MLKL: variants seen among roughly 807,000 people sequenced by gnomAD.
MLKL encodes the protein mixed lineage kinase domain like pseudokinase, also known as mixed lineage kinase domain-like protein.
A neutral mutation model predicts 56.5 loss-of-function variants in MLKL; 55 were observed. The ratio of observed to expected loss-of-function variants is 0.97; its 90% CI spans 0.78 to 1.22. The LOEUF (loss-of-function observed/expected upper bound fraction) is 1.22, where lower values mean the gene tolerates loss of function less well. Ranked by LOEUF, MLKL falls within the 50% of genes most tolerant of loss-of-function variation. The probability of loss-of-function intolerance (pLI) is 0.00; values close to 1 mark genes in which losing one functional copy is unlikely to be tolerated. For missense variants in MLKL, 694 were observed against 573.9 expected (o/e 1.21, Z -2.14); for synonymous variants, 251 against 208.3 (o/e 1.20, Z -1.76).
At chr16:74,696,092 C>G (rs762691618) in intron 1 of MLKL, among the ~76,000 whole-genome samples, 1 of 152,188 alleles carries the variant, frequency 6.6e-6, no homozygotes, top group Non-Finnish European at 1.5e-5. Flanking sequence ...CGCCTCCTCA[C>G]ACTCTCCCTT....
At chr16:74,673,952 T>TAAAAA (rs5817923) in intron 10 of MLKL, among the ~76,000 whole-genome samples, 8 of 104,664 alleles carry the variant, frequency 7.6e-5, no homozygotes, top group African/African-American at 2.7e-4. Flanking sequence ...ACCTCCTCTC[T>TAAAAA]AAAAAAAAAA....
Position 74,695,157 on chromosome 16 carries a change from C to T in MLKL, c.460+141G>A. 3 of 878,544 alleles carry T rather than the reference C, an allele frequency of 3.4e-6. No individual in the cohort carries two copies. In the East Asian group the frequency reaches 7.9e-5, roughly 23 times the overall value. 54.4% of individuals were successfully genotyped at this position (878,544 alleles called of 1,614,324 possible). A position where few individuals can be genotyped will look rare whatever the true frequency, so the allele number is the denominator to read the frequency against. On this transcript the variant is annotated intron_variant, in intron 2 of 10. Coordinates refer to ENST00000308807, the MANE Select transcript of MLKL (RefSeq NM_152649.4). ...AAAGTGCTGGGATTACAGGCGAGAG[C>T]CATCGCGCCCAGCTAGGAGTTTTGA...
rs1959268691 is a variant in MLKL at position 74,672,206 on chromosome 16, C to A, written c.*298G>T. The A allele has an allele frequency of 3.4e-6, 1 of 298,274 alleles. No individual in the cohort carries two copies. The highest frequency in any genetic ancestry group is 2.1e-5 in the African/African-American group (1 of 46,684). 18.5% of individuals were successfully genotyped at this position (298,274 alleles called of 1,614,324 possible). On this transcript the variant is annotated 3_prime_UTR_variant, in exon 11 of 11. Coordinates refer to ENST00000308807, the MANE Select transcript of MLKL (RefSeq NM_152649.4). ...CAGATTCAAATGGTGGGGAAAGAGA[C>A]TTCATTTATGGAAGGGAGGAGCTGC...
intron 6 of MLKL, 64 bp downstream of exon 6, chr16:74,682,587 G>C: frequency 6.3e-7 from 1 of 1,588,856 alleles, no homozygotes. Context: ...CACCATCTCT[G>C]GGAGTATCAG....
intron 1 of MLKL, 110 bp from the exon 2 acceptor site, chr16:74,695,869 C>A: frequency 2.1e-6 from 2 of 965,472 alleles, no homozygotes; most frequent in East Asian, 2.6e-5. Context: ...AGGAGGTCTC[C>A]CCAGCATTTT....
Position 74,676,607 on chromosome 16 carries a change from G to A in MLKL, c.1039-843C>T, listed in dbSNP as rs117269980. On this transcript the variant is annotated intron_variant, in intron 7 of 10. Transcript: ENST00000308807. ...CTTATAGTCAGGCTGCATGAAGAGC[G>A]TGAGAGTAGTAGAAACAGTGTTTTG... 469 of 354,708 alleles carry A rather than the reference G, an allele frequency of 1.3e-3. 5 individuals are homozygous for A. In the Admixed American group the frequency reaches 0.018, roughly 13 times the overall value. 22.0% of individuals were successfully genotyped at this position (354,708 alleles called of 1,614,324 possible). A position where few individuals can be genotyped will look rare whatever the true frequency, so the allele number is the denominator to read the frequency against.
intron 4 of MLKL, 138 bp from the exon 5 acceptor site, chr16:74,685,721 G>T: frequency 1.5e-6 from 1 of 669,048 alleles, no homozygotes. Flanking sequence ...GATGAACTCA[G>T]CTACTGATAA....
chr16:74,677,011 G>C (rs1567600818), intron 7 of MLKL: 2 of 152,138 alleles, frequency 1.3e-5, no homozygotes, highest in Non-Finnish European at 1.5e-5. Flanking sequence ...ACAGTAAACA[G>C]CTGATGGGAA....
rs377083507 is a variant in MLKL, at chr16:74,685,468, C to T, written c.820+18G>A. The T allele has an allele frequency of 2.2e-5, 36 of 1,600,612 alleles. No homozygotes were observed. The highest frequency in any genetic ancestry group is 2.2e-5 in the South Asian group (2 of 90,620). On this transcript the variant is annotated intron_variant, in intron 5 of 10. Transcript: ENST00000308807. The stretch of plus-strand genomic sequence containing the variant: ...CTAGGCCATCCAAAGCTTGACCAAT[C>T]CTAGAAGCATTCCTTACCTGTTTCA...
intron 1 of MLKL, among the ~76,000 whole-genome samples, chr16:74,699,770 A>G (rs998664730): frequency 1.4e-4 from 22 of 152,042 alleles, no homozygotes; most frequent in African/African-American, 4.8e-4. Context: ...CCCTGGCTCT[A>G]CCAAAAAATA....
At chr16:74,688,070 C>T (rs551956221) in intron 4 of MLKL, among the ~76,000 whole-genome samples, 9 of 152,248 alleles carry the variant, frequency 5.9e-5, no homozygotes, top group South Asian at 2.1e-4. Flanking sequence ...GTGATCTGCC[C>T]GCCCTGGCCT....
intron 4 of MLKL, among the ~76,000 whole-genome samples, chr16:74,686,251 C>G (rs1017634300): frequency 6.6e-6 from 1 of 152,010 alleles, no homozygotes; most frequent in Non-Finnish European, 1.5e-5. Flanking sequence ...TGTGAGTCAC[C>G]GTGCCCAGCC....
chr16:74,687,919 A>G (rs1413467940), intron 4 of MLKL, among the ~76,000 whole-genome samples: 1 of 148,936 alleles, frequency 6.7e-6, no homozygotes, highest in Non-Finnish European at 1.5e-5. Flanking sequence ...TCTGCCTCTC[A>G]GGTTCACACC....
At chr16:74,680,598 C>G (rs972239631) in intron 6 of MLKL, among the ~76,000 whole-genome samples, 3 of 152,076 alleles carry the variant, frequency 2.0e-5, no homozygotes, top group Non-Finnish European at 2.9e-5. Flanking sequence ...CCTCTGCCTC[C>G]CAGGTTCAAG....
At chr16:74,687,033 T>C (rs1484997395) in intron 4 of MLKL, among the ~76,000 whole-genome samples, 3 of 152,164 alleles carry the variant, frequency 2.0e-5, no homozygotes, top group Non-Finnish European at 4.4e-5. Context: ...CTGAGTGCAA[T>C]GGCATGATCT....
At position 74,691,513 on chromosome 16, in the gene MLKL, G is replaced by A. The variant is rs200519421; in HGVS notation, c.536-50C>T. On this transcript the variant is annotated intron_variant, in intron 3 of 10. Transcript: ENST00000308807. ...AAGACAAAAGAGTCAATGAGCAGAG[G>A]AAGGGGTCCTAAGGGAGGTGGCATA... The A allele has an allele frequency of 9.5e-6, 15 of 1,574,058 alleles. No homozygotes were observed. In the East Asian group the frequency reaches 3.4e-4, roughly 35 times the overall value.
At chr16:74,698,359 C>T (rs556065927) in intron 1 of MLKL, among the ~76,000 whole-genome samples, 2 of 152,054 alleles carry the variant, frequency 1.3e-5, no homozygotes, top group Non-Finnish European at 2.9e-5. Context: ...GGCCTGGAGC[C>T]CAAGTATGGC....
At chr16:74,688,902 T>G (rs1259199753) in intron 4 of MLKL, among the ~76,000 whole-genome samples, 3 of 152,166 alleles carry the variant, frequency 2.0e-5, no homozygotes, top group Non-Finnish European at 4.4e-5. Context: ...ATAATATAGA[T>G]GAACCTTGAA....
At position 74,694,142 on chromosome 16, in the gene MLKL, T is replaced by G. The variant is rs187465640; in HGVS notation, c.460+1156A>C. On this transcript the variant is annotated intron_variant, in intron 2 of 10. Coordinates refer to ENST00000308807, the MANE Select transcript of MLKL (RefSeq NM_152649.4). The stretch of plus-strand genomic sequence containing the variant: ...AAATAGAACAATGTGCTTGGCATGA[T>G]GCTGACTGTGTGACAACAACAATAA... Among the ~76,000 whole-genome samples, 534 of 152,326 alleles carry G rather than the reference T, an allele frequency of 3.5e-3. 4 individuals carry two copies. The highest frequency in any genetic ancestry group is 5.9e-3 in the Non-Finnish European group (404 of 68,024).
Sources: allele counts gnomAD v4.1 joint callset (sites outside exome capture counted in the v4.1 genomes callset), GRCh38; gene constraint gnomAD v4.1.1; transcripts MANE v1.5; gene names NCBI Gene and HGNC (gene_info 2026-07-23, HGNC 2026-07-21).